The following PLPP3 variants were observed in gnomAD, a reference collection of about 807,000 sequenced individuals.
PLPP3 encodes PAP2 beta.
PLPP3 carries 6 observed loss-of-function variants against 29.6 expected under a neutral mutation model. The ratio of observed to expected loss-of-function variants is 0.20; its 90% CI spans 0.11 to 0.40. PLPP3 has a LOEUF of 0.40. Ranked by LOEUF, PLPP3 falls within the 10% of genes least tolerant of loss-of-function variation. PLPP3 has a pLI of 1.00. For missense variants in PLPP3, 308 were observed against 407.7 expected (o/e 0.76, Z 2.11); for synonymous variants, 152 against 159.7 (o/e 0.95, Z 0.36).
In PLPP3 at chr1:56,496,377, G is replaced by A; in HGVS notation, c.*174C>T. 1.5e-6 allele frequency: 1 copy of A among 668,624 alleles called. No homozygotes were observed. The highest frequency in any genetic ancestry group is 3.1e-5 in the East Asian group (1 of 32,112). The allele number at this position is 668,624 out of a possible 1,614,324, so 41.4% of individuals were successfully genotyped here. A position where few individuals can be genotyped will look rare whatever the true frequency, so the allele number is the denominator to read the frequency against. On this transcript the variant is annotated 3_prime_UTR_variant, in exon 6 of 6. Transcript: ENST00000371250. ...GTTAGTTTGCTGTTGTTTCCACATA[G>A]GCAAACACTACCTATTTTGGAAGGC...
Position 56,524,176 on chromosome 1 carries a change from C to T in PLPP3, c.575+101G>A, listed in dbSNP as rs1356436903. On this transcript the variant is annotated intron_variant, in intron 3 of 5. Transcript: ENST00000371250. The surrounding 1 kb of genome is among the most constrained non-coding windows in gnomAD (Gnocchi z 4.3). ...AGTTCCTCAAGAATAGGAACTATGC[C>T]TTATTCACCCATCTAAACCAGGGCC... is the stretch of plus-strand genomic sequence containing the variant. 1.4e-6 allele frequency: 2 copies of T among 1,403,242 alleles called. No homozygotes were observed. Among genetic ancestry groups the T allele is most frequent in the Non-Finnish European group, 2.0e-6 (2 of 1,020,620 alleles). The allele number at this position is 1,403,242 out of a possible 1,614,324, so 86.9% of individuals were successfully genotyped here.
At chr1:56,538,737 C>G in intron 1 of PLPP3, 1 of 202,638 alleles carries the variant, frequency 4.9e-6, no homozygotes, top group Non-Finnish European at 1.0e-5. Context: ...ATATTGAGCA[C>G]ATTAAGCACT....
chr1:56,579,037 C>G lies in PLPP3; in HGVS notation c.-21G>C. 6.3e-7 allele frequency: 1 copy of G among 1,578,166 alleles called. No homozygotes were observed. The highest frequency in any genetic ancestry group is 8.6e-7 in the Non-Finnish European group (1 of 1,166,608). ...TGCATGGCGCTGGCTGCGGCGCGAG[C>G]CTCCCGCCCCGCGAAGACGTCCCGC... is the stretch of plus-strand genomic sequence containing the variant. On this transcript the variant is annotated 5_prime_UTR_variant, in exon 1 of 6. Transcript: ENST00000371250.
intron 1 of PLPP3, 107 bp downstream of exon 1, chr1:56,578,771 A>G: frequency 8.4e-7 from 1 of 1,197,364 alleles, no homozygotes; most frequent in Non-Finnish European, 1.0e-6. Flanking sequence ...GGCCCCCCGG[A>G]GCTGACGGCG....
At chr1:56,578,427 A>T (rs1646251547) in intron 1 of PLPP3, among the ~76,000 whole-genome samples, 1 of 152,162 alleles carries the variant, frequency 6.6e-6, no homozygotes, top group Non-Finnish European at 1.5e-5. Context: ...GTTTACATAC[A>T]GCCGCCGGGA....
At chr1:56,573,825 C>A (rs1646216513) in intron 1 of PLPP3, among the ~76,000 whole-genome samples, 1 of 152,168 alleles carries the variant, frequency 6.6e-6, no homozygotes, top group Non-Finnish European at 1.5e-5. Context: ...CACGCTGTGA[C>A]CAACTGGGCT....
chr1:56,547,508 GT>G (rs1166804665), intron 1 of PLPP3, among the ~76,000 whole-genome samples: 2 of 152,156 alleles, frequency 1.3e-5, no homozygotes, highest in Non-Finnish European at 2.9e-5. Context: ...ATCAGGAATT[GT>G]TTACAGGGAT....
chr1:56,560,832 C>CTTTT (rs397860682), intron 1 of PLPP3, among the ~76,000 whole-genome samples: 13 of 89,362 alleles, frequency 1.5e-4, no homozygotes, highest in East Asian at 3.8e-4. Flanking sequence ...ATTCAGAGTC[C>CTTTT]TTTTTTTTTT....
chr1:56,572,664 T>C (rs987695529), intron 1 of PLPP3, among the ~76,000 whole-genome samples: 4 of 152,172 alleles, frequency 2.6e-5, no homozygotes, highest in African/African-American at 9.7e-5. Context: ...TCAGAATCTT[T>C]TTCCTTAATA....
intron 1 of PLPP3, among the ~76,000 whole-genome samples, chr1:56,542,043 G>A (rs1177042472): frequency 1.3e-5 from 2 of 151,446 alleles, no homozygotes; most frequent in African/African-American, 2.4e-5. Flanking sequence ...CTTTAATCAA[G>A]GATCAATTAA....
At chr1:56,510,326 T>G (rs1416684038) in intron 5 of PLPP3, among the ~76,000 whole-genome samples, 1 of 152,198 alleles carries the variant, frequency 6.6e-6, no homozygotes, top group East Asian at 1.9e-4. Flanking sequence ...ATTAACGGTT[T>G]GCTCCCCCAG....
chr1:56,516,684 C>T (rs1167510129), intron 4 of PLPP3, among the ~76,000 whole-genome samples: 3 of 151,910 alleles, frequency 2.0e-5, no homozygotes, highest in Non-Finnish European at 4.4e-5. Context: ...TGATTTGCAG[C>T]CACAGCAACT....
At chr1:56,535,648 G>T (rs1282052010) in intron 2 of PLPP3, among the ~76,000 whole-genome samples, 1 of 152,270 alleles carries the variant, frequency 6.6e-6, no homozygotes, top group South Asian at 2.1e-4. Context: ...AAGGAGAAAG[G>T]GATTGGCCTT....
At chr1:56,575,448 A>G (rs536009321) in intron 1 of PLPP3, among the ~76,000 whole-genome samples, 52 of 152,382 alleles carry the variant, frequency 3.4e-4, no homozygotes, top group African/African-American at 1.2e-3. Flanking sequence ...TGGTGGAGCA[A>G]CCAAATTAAA....
intron 5 of PLPP3, 50 bp from the exon 6 acceptor site, chr1:56,496,726 G>A (rs763211100): frequency 2.1e-4 from 332 of 1,601,930 alleles, no homozygotes; most frequent in Non-Finnish European, 2.7e-4. Context: ...TCGGGGGTCT[G>A]GGTACAGAGG....
intron 1 of PLPP3, among the ~76,000 whole-genome samples, chr1:56,557,845 T>C (rs936168995): frequency 6.6e-6 from 1 of 152,202 alleles, no homozygotes; most frequent in Non-Finnish European, 1.5e-5. Context: ...CTCATAGTCC[T>C]TCTTCTCTGC....
At position 56,496,473 on chromosome 1, in the gene PLPP3, G is replaced by C; in HGVS notation, c.*78C>G. ...CAAAAGTTTTTCCCTACATTCTACT[G>C]TCTGATGAGATTGGAGAGCAGCAAG... On this transcript the variant is annotated 3_prime_UTR_variant, in exon 6 of 6. Coordinates refer to ENST00000371250, the MANE Select transcript of PLPP3 (RefSeq NM_003713.5). The C allele has an allele frequency of 6.6e-7, 1 of 1,522,122 alleles. No individual in the cohort carries two copies. Among genetic ancestry groups the C allele is most frequent in the African/African-American group, 1.4e-5 (1 of 72,402 alleles). The allele number at this position is 1,522,122 out of a possible 1,614,324, so 94.3% of individuals were successfully genotyped here. A position where few individuals can be genotyped will look rare whatever the true frequency, so the allele number is the denominator to read the frequency against.
intron 5 of PLPP3, among the ~76,000 whole-genome samples, chr1:56,506,419 C>A (rs527842160): frequency 1.3e-5 from 2 of 152,256 alleles, no homozygotes; most frequent in East Asian, 1.9e-4. Context: ...AACGCCCTCG[C>A]CCTTCCCTAC....
intron 1 of PLPP3, among the ~76,000 whole-genome samples, chr1:56,574,636 AG>A (rs1250095131): frequency 2.0e-5 from 3 of 152,212 alleles, no homozygotes; most frequent in Admixed American, 2.0e-4. Context: ...TGTAAATTTC[AG>A]GAAGCAGGTG....
Sources: allele counts gnomAD v4.1 joint callset (sites outside exome capture counted in the v4.1 genomes callset), GRCh38; gene constraint gnomAD v4.1.1; non-coding constraint Gnocchi (gnomAD v3.1); transcripts MANE v1.5; gene names NCBI Gene and HGNC (gene_info 2026-07-23, HGNC 2026-07-21).